The following WDR27 variants were observed in gnomAD, a reference collection of about 807,000 sequenced individuals.
The protein encoded by WDR27 is WD repeat-containing protein 27.
WDR27 carries 100 observed loss-of-function variants against 114.4 expected under a neutral mutation model. That is an observed-to-expected ratio of 0.87 (90% CI 0.74 to 1.03). The LOEUF (loss-of-function observed/expected upper bound fraction) is 1.03, where lower values mean the gene tolerates loss of function less well. Ranked by LOEUF, WDR27 falls within the 50% of genes least tolerant of loss-of-function variation. WDR27 has a pLI of 0.00. For synonymous variants in WDR27, 449 were observed against 423.1 expected, an observed-to-expected ratio of 1.06 and a Z score of -0.75; for missense variants, 1,129 against 1,092.9, an observed-to-expected ratio of 1.03 and a Z score of -0.47.
chr6:169,609,622 C>A (rs1810056225), intron 22 of WDR27, among the ~76,000 whole-genome samples: 2 of 152,208 alleles, frequency 1.3e-5, no homozygotes, highest in African/African-American at 4.8e-5. Flanking sequence ...ACCCATGAAA[C>A]CACTTTTTCC....
chr6:169,643,656 A>G (rs1415960747), intron 17 of WDR27, 41 bp downstream of exon 17: 11 of 1,556,052 alleles, frequency 7.1e-6, no homozygotes, highest in African/African-American at 1.4e-5. Flanking sequence ...AGTGAGACCC[A>G]TCCTTAAGTT....
At chr6:169,691,164 G>A (rs9371123) in intron 1 of WDR27, among the ~76,000 whole-genome samples, 13,568 of 152,158 alleles carry the variant, frequency 0.089, 1,796 homozygotes, top group East Asian at 0.61. Flanking sequence ...GCAGTGAGCC[G>A]AGATCGCGCC....
chr6:169,672,200 G>A (rs758940008), intron 3 of WDR27, 55 bp downstream of exon 3: 2 of 1,580,176 alleles, frequency 1.3e-6, no homozygotes, highest in South Asian at 2.3e-5. Context: ...GTATACTGAA[G>A]GATGAGTTAT....
chr6:169,507,310 T>C (rs1298116185), intron 25 of WDR27, among the ~76,000 whole-genome samples: 7 of 152,218 alleles, frequency 4.6e-5, no homozygotes, highest in Admixed American at 4.6e-4. Context: ...AGCACGTGTG[T>C]AAGATTGTTT....
chr6:169,581,058 C>T (rs78504231), intron 24 of WDR27, among the ~76,000 whole-genome samples: 3,565 of 151,594 alleles, frequency 0.024, 69 homozygotes, highest in Non-Finnish European at 0.035. Flanking sequence ...TCTTTAGCGG[C>T]CCTTCGTCAG....
intron 25 of WDR27, among the ~76,000 whole-genome samples, chr6:169,537,004 A>C (rs1177162064): frequency 6.6e-6 from 1 of 152,236 alleles, no homozygotes; most frequent in African/African-American, 2.4e-5. Flanking sequence ...AACCCAGAGA[A>C]ATCCTGCTAA....
intron 21 of WDR27, among the ~76,000 whole-genome samples, chr6:169,613,868 T>C (rs943551736): frequency 1.7e-4 from 26 of 152,354 alleles, no homozygotes; most frequent in Non-Finnish European, 3.7e-4. Flanking sequence ...TTGATGTATG[T>C]TCTCTTTATG....
intron 10 of WDR27, among the ~76,000 whole-genome samples, chr6:169,660,241 G>A (rs921973527): frequency 6.6e-6 from 1 of 152,078 alleles, no homozygotes; most frequent in Non-Finnish European, 1.5e-5. Flanking sequence ...TTCTGGAGCT[G>A]GCAGAAACTG....
At chr6:169,476,532 C>A (rs2115357561) in intron 25 of WDR27, among the ~76,000 whole-genome samples, 1 of 152,282 alleles carries the variant, frequency 6.6e-6, no homozygotes, top group East Asian at 1.9e-4. Flanking sequence ...CTCGTGTTGG[C>A]CCCCTGGACC....
chr6:169,506,188 TTTTTCATTTTAC>T (rs2115507665), intron 25 of WDR27, among the ~76,000 whole-genome samples: 1 of 152,356 alleles, frequency 6.6e-6, no homozygotes, highest in South Asian at 2.1e-4. Flanking sequence ...ATTTTCCCTA[TTTTTCATTTTAC>T]TTTTGTTTTC....
intron 21 of WDR27, among the ~76,000 whole-genome samples, chr6:169,620,558 T>G (rs1377958780): frequency 6.6e-6 from 1 of 152,218 alleles, no homozygotes; most frequent in Non-Finnish European, 1.5e-5. Context: ...TTGCCTCTTA[T>G]CTACTCATGA....
intron 21 of WDR27, among the ~76,000 whole-genome samples, chr6:169,620,070 G>A (rs886913267): frequency 3.9e-5 from 6 of 152,200 alleles, no homozygotes; most frequent in Non-Finnish European, 8.8e-5. Context: ...AAACCCATCT[G>A]ACGAGAATTG....
chr6:169,552,972 C>CGGGG (rs1335158409), intron 25 of WDR27, among the ~76,000 whole-genome samples: 1 of 75,134 alleles, frequency 1.3e-5, no homozygotes, highest in African/African-American at 4.8e-5. Flanking sequence ...AGGGCCTGCC[C>CGGGG]GGTGTGTGTG....
At chr6:169,665,658 T>C in intron 6 of WDR27, 102 bp from the exon 7 acceptor site, 7 of 1,092,926 alleles carry the variant, frequency 6.4e-6, no homozygotes, top group Non-Finnish European at 9.1e-6. Context: ...AATATTTACT[T>C]ACAGTATTTC....
intron 25 of WDR27, among the ~76,000 whole-genome samples, chr6:169,458,779 C>A: frequency 6.7e-6 from 1 of 148,570 alleles, no homozygotes; most frequent in African/African-American, 2.5e-5. Context: ...AGAGCAAGAC[C>A]CTGTCTCAAA....
At position 169,688,979 on chromosome 6, in the gene WDR27, T is replaced by A; in HGVS notation, c.27A>T (p.Ser9=). 6.2e-7 allele frequency: 1 copy of A among 1,612,718 alleles called. No individual in the cohort carries two copies. Among genetic ancestry groups the A allele is most frequent in the South Asian group, 1.1e-5 (1 of 90,790 alleles). The stretch of plus-strand genomic sequence containing the variant: ...TATCACTTAGACAGCCACCATTACT[T>A]GAGAAAATGTCTTGGGGATTTTCCA... The part of the protein sequence containing the change: MENPQDIF[S]SNGGCLSDIV... The change falls in exon 2 of 26, where the codon TCA becomes TCT. Residue 9 remains serine, a synonymous_variant. Coordinates refer to ENST00000448612, the MANE Select transcript of WDR27 (RefSeq NM_182552.5).
chr6:169,555,425 G>A (rs1012559871), intron 25 of WDR27, among the ~76,000 whole-genome samples: 5 of 152,116 alleles, frequency 3.3e-5, no homozygotes, highest in African/African-American at 9.7e-5. Context: ...GAGACCAGGC[G>A]GAAAGGTAGA....
At chr6:169,439,083 T>C in the WDR27 span, among the ~76,000 whole-genome samples, 1 of 152,190 alleles carries the variant, frequency 6.6e-6, no homozygotes, top group African/African-American at 2.4e-5. Context: ...CTTTGGGATT[T>C]TTCAGTTGGG....
chr6:169,614,082 G>C (rs1386048079), intron 21 of WDR27, among the ~76,000 whole-genome samples: 1 of 152,144 alleles, frequency 6.6e-6, no homozygotes, highest in Non-Finnish European at 1.5e-5. Flanking sequence ...GCAGGCTCCT[G>C]CGATGACTAT....
Sources: gnomAD v4.1 joint callset for allele counts (sites outside exome capture counted in the v4.1 genomes callset) on GRCh38, gnomAD v4.1.1 for gene constraint, MANE v1.5 for transcripts, NCBI Gene and HGNC (gene_info 2026-07-23, HGNC 2026-07-21) for gene names.